GNAZ: variants seen among roughly 807,000 people sequenced by gnomAD.
GNAZ encodes G protein subunit alpha z.
GNAZ carries 3 observed loss-of-function variants against 25.4 expected under a neutral mutation model. The observed-to-expected ratio is 0.12, with a 90% confidence interval of 0.05 to 0.30. GNAZ has a LOEUF of 0.30. GNAZ is among the 10% of genes least tolerant of loss of function. The pLI is 1.00. For synonymous variants in GNAZ, 211 were observed against 205.7 expected, an observed-to-expected ratio of 1.03 and a Z score of -0.22; for missense variants, 241 against 501.8, an observed-to-expected ratio of 0.48 and a Z score of 4.97.
intron 2 of GNAZ, among the ~76,000 whole-genome samples, chr22:23,099,123 C>A (rs1403543963): frequency 6.6e-6 from 1 of 152,248 alleles, no homozygotes; most frequent in Non-Finnish European, 1.5e-5. Context: ...TCCCCACCCC[C>A]ACGCCTGGCG....
intron 2 of GNAZ, among the ~76,000 whole-genome samples, chr22:23,110,707 G>T (rs775831390): frequency 1.6e-4 from 24 of 152,252 alleles, no homozygotes; most frequent in Admixed American, 5.9e-4. Flanking sequence ...GGGTGAGGGT[G>T]TCCACCCTGG....
intron 1 of GNAZ, among the ~76,000 whole-genome samples, chr22:23,091,527 T>C (rs1389762771): frequency 7.2e-6 from 1 of 138,522 alleles, no homozygotes; most frequent in East Asian, 2.2e-4. Context: ...CACACCGCAA[T>C]AGACCTACAC....
rs546209737 is a variant in GNAZ at position 23,090,466 on chromosome 22, A to C, written c.-449-4781A>C. On this transcript the variant is annotated intron_variant, in intron 1 of 2. Transcript: ENST00000615612. ...CTGGTCTGGCTTCAGCGCAGCAGCC[A>C]GAGGGATGCTGGTCACACAGGGCAG... Among the ~76,000 whole-genome samples, 4 of 152,292 alleles carry C rather than the reference A, an allele frequency of 2.6e-5. No individual in the cohort carries two copies. In the South Asian group the frequency reaches 8.3e-4, roughly 32 times the overall value.
intron 2 of GNAZ, among the ~76,000 whole-genome samples, chr22:23,101,144 G>A (rs531395863): frequency 6.6e-6 from 1 of 152,250 alleles, no homozygotes. Flanking sequence ...AGCATACCAG[G>A]GCTTAGATTG....
Position 23,101,423 on chromosome 22 carries a change from A to G in GNAZ, c.723+5005A>G, listed in dbSNP as rs1408877448. 2.0e-5 allele frequency among the ~76,000 whole-genome samples: 3 copies of G among 152,278 alleles called. No individual in the cohort carries two copies. In the East Asian group the frequency reaches 5.8e-4, roughly 29 times the overall value. ...GCTGCTGTGTAGCCAGCCTTCCCTC[A>G]GGAGAGTGGAGGACAGTGACACCTG... On this transcript the variant is annotated intron_variant, in intron 2 of 2. Transcript: ENST00000615612.
chr22:23,087,577 C>T (rs1355077490), intron 1 of GNAZ, among the ~76,000 whole-genome samples: 2 of 152,226 alleles, frequency 1.3e-5, no homozygotes, highest in East Asian at 3.8e-4. Context: ...GCTGGCTGTG[C>T]AGGAGACCGG....
At chr22:23,113,100 A>G (rs1029064899) in intron 2 of GNAZ, among the ~76,000 whole-genome samples, 5 of 152,152 alleles carry the variant, frequency 3.3e-5, no homozygotes, top group African/African-American at 9.7e-5. Context: ...CCTGCGGCTG[A>G]CCCTGGCCAG....
intron 2 of GNAZ, among the ~76,000 whole-genome samples, chr22:23,106,516 C>T (rs2069482103): frequency 6.6e-6 from 1 of 152,192 alleles, no homozygotes; most frequent in Non-Finnish European, 1.5e-5. Flanking sequence ...GGACTTGTGT[C>T]CATCTGGACT....
chr22:23,110,275 C>T (rs1286078954), intron 2 of GNAZ, among the ~76,000 whole-genome samples: 1 of 152,080 alleles, frequency 6.6e-6, no homozygotes, highest in Non-Finnish European at 1.5e-5. Flanking sequence ...CCTCGTGAGC[C>T]CAGGAGCCTC....
At chr22:23,094,184 C>T (rs1035417942) in intron 1 of GNAZ, among the ~76,000 whole-genome samples, 32 of 151,988 alleles carry the variant, frequency 2.1e-4, no homozygotes, top group Non-Finnish European at 1.0e-4. Context: ...GGGGAGGCTG[C>T]GTGGGTCTCC....
chr22:23,106,530 C>T (rs2069482471), intron 2 of GNAZ, among the ~76,000 whole-genome samples: 1 of 152,202 alleles, frequency 6.6e-6, no homozygotes, highest in Non-Finnish European at 1.5e-5. Flanking sequence ...CTGGACTGCC[C>T]AGGTGAAGAC....
At chr22:23,113,216 ACAGCTGGGGCCC>A (rs542136738) in intron 2 of GNAZ, among the ~76,000 whole-genome samples, 1 of 152,324 alleles carries the variant, frequency 6.6e-6, no homozygotes, top group Admixed American at 6.5e-5. Context: ...CATCTTTACA[ACAGCTGGGGCCC>A]CAGCGCCACC....
chr22:23,093,138 T>C (rs2069033361), intron 1 of GNAZ, among the ~76,000 whole-genome samples: 1 of 152,244 alleles, frequency 6.6e-6, no homozygotes, highest in South Asian at 2.1e-4. Flanking sequence ...TTTAAGCAGA[T>C]GTTCTGCCCA....
chr22:23,075,158 G>A (rs1026767256), intron 1 of GNAZ, among the ~76,000 whole-genome samples: 3 of 152,156 alleles, frequency 2.0e-5, no homozygotes, highest in Non-Finnish European at 4.4e-5. Context: ...GGAAGGCCTG[G>A]AGGGTGGGCC....
chr22:23,101,853 C>A (rs1018825966), intron 2 of GNAZ, among the ~76,000 whole-genome samples: 3 of 152,198 alleles, frequency 2.0e-5, no homozygotes, highest in Non-Finnish European at 2.9e-5. Context: ...GAGGACCAAG[C>A]CCACAGCAGC....
At chr22:23,074,755 G>A (rs58755134) in intron 1 of GNAZ, among the ~76,000 whole-genome samples, 18,282 of 152,180 alleles carry the variant, frequency 0.12, 1,369 homozygotes, top group East Asian at 0.32. Context: ...GTGGCGCCTC[G>A]GGAGGCTGGA....
At chr22:23,087,389 G>C (rs976345491) in intron 1 of GNAZ, among the ~76,000 whole-genome samples, 2 of 152,138 alleles carry the variant, frequency 1.3e-5, no homozygotes, top group African/African-American at 2.4e-5. Flanking sequence ...GCTTGAGCCC[G>C]GGGGGTTGAG....
At chr22:23,122,087 G>C (rs1473077437) in intron 2 of GNAZ, among the ~76,000 whole-genome samples, 1 of 152,160 alleles carries the variant, frequency 6.6e-6, no homozygotes, top group Non-Finnish European at 1.5e-5. Flanking sequence ...CCAGATTTTT[G>C]ATATTTTGCT....
intron 2 of GNAZ, among the ~76,000 whole-genome samples, chr22:23,121,070 ATC>A (rs2070012123): frequency 6.6e-6 from 1 of 152,132 alleles, no homozygotes. Flanking sequence ...ACCACCACTT[ATC>A]TCACATTTGG....
Sources: gnomAD v4.1 joint callset for allele counts (sites outside exome capture counted in the v4.1 genomes callset) on GRCh38, gnomAD v4.1.1 for gene constraint, MANE v1.5 for transcripts, NCBI Gene and HGNC (gene_info 2026-07-23, HGNC 2026-07-21) for gene names.